DCC: variants seen among roughly 807,000 people sequenced by gnomAD.
The protein encoded by DCC is DCC netrin 1 receptor.
A neutral mutation model predicts 172.5 loss-of-function variants in DCC; 58 were observed. The ratio of observed to expected loss-of-function variants is 0.34; its 90% CI spans 0.27 to 0.42. The LOEUF (loss-of-function observed/expected upper bound fraction) is 0.42, where lower values mean the gene tolerates loss of function less well. DCC is among the 10% of genes least tolerant of loss of function. The probability of loss-of-function intolerance (pLI) is 1.00; values close to 1 mark genes in which losing one functional copy is unlikely to be tolerated. For synonymous variants in DCC, 709 were observed against 644.5 expected, an observed-to-expected ratio of 1.10 and a Z score of -1.52; for missense variants, 1,740 against 1,791.0, an observed-to-expected ratio of 0.97 and a Z score of 0.51.
intron 7 of DCC, among the ~76,000 whole-genome samples, chr18:53,125,817 A>G (rs988116139): frequency 2.6e-5 from 4 of 152,254 alleles, no homozygotes; most frequent in Admixed American, 2.6e-4. Flanking sequence ...ACGAGTTCCC[A>G]GAGATAAGCA....
Position 53,513,337 on chromosome 18 carries a change from G to A in DCC, c.4112-13280G>A, listed in dbSNP as rs568351017. On this transcript the variant is annotated intron_variant, in intron 27 of 28. Transcript: ENST00000442544. ...GCGCTAAACATGGAAAGGAACAACC[G>A]GTACCAGCCGCTGCAAAATTATGCC... Among the ~76,000 whole-genome samples the A allele has an allele frequency of 9.3e-4, 142 of 152,226 alleles. 1 individual carries two copies. Among genetic ancestry groups the A allele is most frequent in the Admixed American group, 3.5e-3 (54 of 15,290 alleles).
chr18:53,356,655 GT>G (rs1198418474), intron 15 of DCC, among the ~76,000 whole-genome samples: 2 of 152,076 alleles, frequency 1.3e-5, no homozygotes, highest in Admixed American at 6.6e-5. Context: ...CTATTGAATG[GT>G]TTTGTCCTCA....
intron 21 of DCC, among the ~76,000 whole-genome samples, chr18:53,429,055 T>A (rs368653350): frequency 1.6e-4 from 3 of 18,988 alleles, no homozygotes; most frequent in Non-Finnish European, 3.6e-4. Flanking sequence ...TATAATATAT[T>A]ATATATTTTA....
intron 1 of DCC, among the ~76,000 whole-genome samples, chr18:52,571,424 A>T (rs1443824378): frequency 6.6e-6 from 1 of 151,738 alleles, no homozygotes; most frequent in Non-Finnish European, 1.5e-5. Context: ...AAAATATCCC[A>T]GTTGTCCCTC....
chr18:52,988,752 C>A (rs1170520308), intron 5 of DCC, among the ~76,000 whole-genome samples: 2 of 151,922 alleles, frequency 1.3e-5, no homozygotes, highest in African/African-American at 2.4e-5. Context: ...TTTGCTGTAA[C>A]CTTTATATAT....
At chr18:53,056,987 A>G (rs1352677234) in intron 5 of DCC, among the ~76,000 whole-genome samples, 2 of 151,088 alleles carry the variant, frequency 1.3e-5, no homozygotes, top group East Asian at 3.9e-4. Flanking sequence ...AATACTATAT[A>G]TATTACAGTG....
At chr18:52,445,515 A>G (rs1403073136) in intron 1 of DCC, among the ~76,000 whole-genome samples, 1 of 152,192 alleles carries the variant, frequency 6.6e-6, no homozygotes, top group East Asian at 1.9e-4. Flanking sequence ...ATTCACATAT[A>G]TTGTGTGCTC....
Position 52,923,985 on chromosome 18 carries a change from A to T in DCC, c.848+128A>T. The T allele has an allele frequency of 4.0e-6, 3 of 753,858 alleles. No homozygotes were observed. The East Asian group carries it at 8.1e-5, about 20-fold the overall frequency. 46.7% of individuals were successfully genotyped at this position (753,858 alleles called of 1,614,324 possible). A position where few individuals can be genotyped will look rare whatever the true frequency, so the allele number is the denominator to read the frequency against. ...TTTCATAATAATTGAATATTTTTCC[A>T]CATTTCTTGGCATGATACAGTTATA... is the stretch of plus-strand genomic sequence containing the variant. On this transcript the variant is annotated intron_variant, in intron 4 of 28. Coordinates refer to ENST00000442544, the MANE Select transcript of DCC (RefSeq NM_005215.4).
chr18:52,360,174 C>T (rs1437853285), intron 1 of DCC, among the ~76,000 whole-genome samples: 3 of 151,940 alleles, frequency 2.0e-5, no homozygotes, highest in South Asian at 2.1e-4. Flanking sequence ...TTCTGTGAAC[C>T]GTTTATTATT....
chr18:52,932,682 CATGTCCACCTTACACAG>C (rs2040324449), intron 5 of DCC, among the ~76,000 whole-genome samples: 1 of 152,082 alleles, frequency 6.6e-6, no homozygotes. Flanking sequence ...TAGAGCTGAG[CATGTCCACCTTACACAG>C]ATGTGTTCAA....
At chr18:52,433,502 A>G (rs944356933) in intron 1 of DCC, among the ~76,000 whole-genome samples, 1 of 152,190 alleles carries the variant, frequency 6.6e-6, no homozygotes, top group Non-Finnish European at 1.5e-5. Flanking sequence ...CTCTTGCAAT[A>G]CACAACAATT....
intron 1 of DCC, among the ~76,000 whole-genome samples, chr18:52,592,996 G>A (rs189716249): frequency 1.7e-3 from 258 of 152,198 alleles, no homozygotes; most frequent in Non-Finnish European, 2.9e-3. Context: ...ATTTACTCAT[G>A]GTGCAGGAAA....
chr18:52,964,410 TATTA>T (rs2040895079), intron 5 of DCC, among the ~76,000 whole-genome samples: 1 of 152,162 alleles, frequency 6.6e-6, no homozygotes, highest in Non-Finnish European at 1.5e-5. Flanking sequence ...AAGGCATTTT[TATTA>T]ATTCATCCAT....
chr18:52,582,381 G>A (rs2033569140), intron 1 of DCC, among the ~76,000 whole-genome samples: 1 of 152,152 alleles, frequency 6.6e-6, no homozygotes, highest in Non-Finnish European at 1.5e-5. Context: ...AAAAGTAGTT[G>A]AATTATGAGG....
intron 12 of DCC, among the ~76,000 whole-genome samples, chr18:53,233,536 C>T (rs2056154501): frequency 6.6e-6 from 1 of 152,022 alleles, no homozygotes; most frequent in African/African-American, 2.4e-5. Flanking sequence ...TCAAGGTCAA[C>T]ATATTTATCA....
At chr18:52,864,874 T>A (rs1000473846) in intron 2 of DCC, among the ~76,000 whole-genome samples, 5 of 152,044 alleles carry the variant, frequency 3.3e-5, no homozygotes, top group Admixed American at 1.3e-4. Flanking sequence ...TTTTTTATTT[T>A]ATTTTTATTG....
At chr18:52,724,095 C>T (rs2036515873) in intron 1 of DCC, among the ~76,000 whole-genome samples, 1 of 152,134 alleles carries the variant, frequency 6.6e-6, no homozygotes, top group Non-Finnish European at 1.5e-5. Context: ...CACCAGATAT[C>T]AACTTTATTT....
At chr18:53,491,757 T>A (rs2045962035) in intron 26 of DCC, among the ~76,000 whole-genome samples, 1 of 152,234 alleles carries the variant, frequency 6.6e-6, no homozygotes, top group Non-Finnish European at 1.5e-5. Context: ...TCCAAGTCTT[T>A]GCTATTGTGA....
intron 25 of DCC, among the ~76,000 whole-genome samples, chr18:53,474,745 A>G (rs998388959): frequency 1.3e-5 from 2 of 152,190 alleles, no homozygotes; most frequent in Non-Finnish European, 2.9e-5. Flanking sequence ...ATGGACTAAT[A>G]TAGTAATTTG....
Sources: allele counts gnomAD v4.1 joint callset (sites outside exome capture counted in the v4.1 genomes callset), GRCh38; gene constraint gnomAD v4.1.1; transcripts MANE v1.5; gene names NCBI Gene and HGNC (gene_info 2026-07-23, HGNC 2026-07-21).